Variants in ZNF724 observed in about 807,000 individuals in gnomAD.
The protein encoded by ZNF724 is zinc finger protein 724 pseudogene.
In ZNF724, 14 loss-of-function variants were observed where a neutral mutation model predicts 29.3. The ratio of observed to expected loss-of-function variants is 0.48; its 90% confidence interval spans 0.32 to 0.75. The LOEUF is 0.75. Ranked by LOEUF, ZNF724 falls within the 30% of genes least tolerant of loss-of-function variation. The probability of loss-of-function intolerance (pLI) is 0.04; values close to 1 mark genes in which losing one functional copy is unlikely to be tolerated. For missense variants in ZNF724, 557 were observed against 571.2 expected (o/e 0.98, Z 0.25); for synonymous variants, 180 against 193.6 (o/e 0.93, Z 0.58).
chr19:23,223,224 C>T lies in ZNF724; in HGVS notation c.1021G>A (p.Glu341Lys), dbSNP rs765635829. Residue 341 changes from glutamate to lysine, a missense_variant, in exon 4 of 4, where the codon GAA becomes AAA. Physicochemically the swap from Glu to Lys is moderately conservative, Grantham distance 56 (BLOSUM62 1). Transcript: ENST00000418100. Reference sequence around the variant, plus strand: ...ACATTAAAGGCTTTGCCACATTCTTCACATTTATAAGGTTTATCACCAGTA... The same window carrying T: ...ACATTAAAGGCTTTGCCACATTCTTTACATTTATAAGGTTTATCACCAGTA... ...IHTGDKPYKC[E>K]ECGKAFNVSS... The T allele has an allele frequency of 1.5e-5, 15 of 992,890 alleles. No homozygotes were observed. The South Asian group carries it at 1.9e-4, about 13-fold the overall frequency. The allele number at this position is 992,890 out of a possible 1,614,324, so 61.5% of individuals were successfully genotyped here. A position where few individuals can be genotyped will look rare whatever the true frequency, so the allele number is the denominator to read the frequency against.
intron 1 of ZNF724, among the ~76,000 whole-genome samples, chr19:23,247,898 G>C (rs1406267227): frequency 2.0e-5 from 3 of 152,134 alleles, no homozygotes; most frequent in Non-Finnish European, 4.4e-5. Context: ...CTTCTTGAGA[G>C]GCTACACTCC....
In ZNF724 at chr19:23,223,203, T is replaced by C. The variant is rs1394378529; in HGVS notation, c.1042A>G (p.Asn348Asp). 3 of 1,100,328 alleles carry C rather than the reference T, an allele frequency of 2.7e-6. No individual in the cohort carries two copies. 68.2% of individuals were successfully genotyped at this position (1,100,328 alleles called of 1,614,324 possible). A position where few individuals can be genotyped will look rare whatever the true frequency, so the allele number is the denominator to read the frequency against. Reference sequence around the variant, plus strand: ...TGTTGAGTAAGGGTTGAGGACACATTAAAGGCTTTGCCACATTCTTCACAT... The same window carrying C: ...TGTTGAGTAAGGGTTGAGGACACATCAAAGGCTTTGCCACATTCTTCACAT... ...YKCEECGKAF[N>D]VSSTLTQHKR... Residue 348 changes from asparagine (N) to aspartate (D), a missense_variant, in exon 4 of 4, where the codon AAT (asparagine) becomes GAT (aspartate). Physicochemically the swap from Asn to Asp is conservative, Grantham distance 23. Coordinates refer to ENST00000418100, the MANE Select transcript of ZNF724 (RefSeq NM_001355404.2).
chr19:23,231,719 T>A (rs1971936583), intron 2 of ZNF724, among the ~76,000 whole-genome samples: 1 of 151,540 alleles, frequency 6.6e-6, no homozygotes, highest in Middle Eastern at 3.4e-3. Flanking sequence ...CATTGACAAA[T>A]CCCCAAGATT....
chr19:23,242,066 C>T (rs1456262441), intron 1 of ZNF724, among the ~76,000 whole-genome samples: 2 of 152,094 alleles, frequency 1.3e-5, no homozygotes, highest in African/African-American at 4.8e-5. Flanking sequence ...AAATAAGTAG[C>T]ACCTCTATAC....
In ZNF724 at chr19:23,222,307, G is replaced by C; in HGVS notation, c.*78C>G. 1.5e-6 allele frequency: 1 copy of C among 656,636 alleles called. No homozygotes were observed. The highest frequency in any genetic ancestry group is 1.9e-5 in the South Asian group (1 of 51,934). 40.7% of individuals were successfully genotyped at this position (656,636 alleles called of 1,614,324 possible). A position where few individuals can be genotyped will look rare whatever the true frequency, so the allele number is the denominator to read the frequency against. Reference sequence around the variant, plus strand: ...TTGGCCAGGATGGTCTCAATCTCTTGATCTTGTGATCCACCCGCCTTGGCC... The same window carrying C: ...TTGGCCAGGATGGTCTCAATCTCTTCATCTTGTGATCCACCCGCCTTGGCC... On this transcript the variant is annotated 3_prime_UTR_variant, in exon 4 of 4. Coordinates refer to ENST00000418100, the MANE Select transcript of ZNF724 (RefSeq NM_001355404.2).
intron 3 of ZNF724, among the ~76,000 whole-genome samples, chr19:23,227,555 C>CAAAAAAAAA (rs1370441801): frequency 0.28 from 20,249 of 73,622 alleles, 3,902 homozygotes; most frequent in East Asian, 0.44. Flanking sequence ...GGCTCCATCT[C>CAAAAAAAAA]AAAAAAAAAA....
chr19:23,240,185 G>A (rs1972094551), intron 1 of ZNF724, among the ~76,000 whole-genome samples: 1 of 151,454 alleles, frequency 6.6e-6, no homozygotes, highest in Non-Finnish European at 1.5e-5. Context: ...GCGAGGTGGT[G>A]CATGCCTGTA....
At chr19:23,232,995 G>GA (rs199943400) in intron 1 of ZNF724, among the ~76,000 whole-genome samples, 2 of 152,188 alleles carry the variant, frequency 1.3e-5, no homozygotes, top group Non-Finnish European at 2.9e-5. Context: ...ACTGTATAGT[G>GA]AAAAAATCTG....
intron 1 of ZNF724, among the ~76,000 whole-genome samples, chr19:23,238,690 A>G (rs1364269333): frequency 6.6e-6 from 1 of 152,200 alleles, no homozygotes; most frequent in Admixed American, 6.5e-5. Flanking sequence ...CGAGGTGGTT[A>G]GATCACTTGA....
chr19:23,230,627 C>T (rs1260854196), intron 3 of ZNF724, among the ~76,000 whole-genome samples: 2 of 152,014 alleles, frequency 1.3e-5, no homozygotes, highest in Non-Finnish European at 2.9e-5. Context: ...TAAAATTTCA[C>T]AGATATTTAT....
intron 1 of ZNF724, among the ~76,000 whole-genome samples, chr19:23,233,811 T>C (rs1308548558): frequency 7.4e-6 from 1 of 134,684 alleles, no homozygotes; most frequent in Non-Finnish European, 1.6e-5. Context: ...AAAAAAAAAA[T>C]GCCACTTTTT....
At chr19:23,226,882 A>C (rs1971838311) in intron 3 of ZNF724, among the ~76,000 whole-genome samples, 1 of 152,198 alleles carries the variant, frequency 6.6e-6, no homozygotes, top group South Asian at 2.1e-4. Context: ...ATTGTCTAAA[A>C]TTTTAATATG....
chr19:23,231,420 A>G, intron 2 of ZNF724, 59 bp from the exon 3 acceptor site: 1 of 1,139,118 alleles, frequency 8.8e-7, no homozygotes, highest in Non-Finnish European at 1.3e-6. Flanking sequence ...TAATGTGCTC[A>G]GTAAAAAGGG....
At chr19:23,229,264 C>CTTA (rs1040988003) in intron 3 of ZNF724, among the ~76,000 whole-genome samples, 33 of 152,118 alleles carry the variant, frequency 2.2e-4, no homozygotes, top group Non-Finnish European at 3.2e-4. Flanking sequence ...GAATACTGAA[C>CTTA]TTACCCCGTA....
At chr19:23,233,618 C>T (rs1002746427) in intron 1 of ZNF724, among the ~76,000 whole-genome samples, 1 of 151,878 alleles carries the variant, frequency 6.6e-6, no homozygotes, top group African/African-American at 2.4e-5. Flanking sequence ...TTAGAGAAGG[C>T]TCTGGTATAT....
At chr19:23,232,582 T>C (rs1401619153) in intron 1 of ZNF724, among the ~76,000 whole-genome samples, 2 of 152,122 alleles carry the variant, frequency 1.3e-5, no homozygotes, top group Non-Finnish European at 2.9e-5. Context: ...AGTGCTATAT[T>C]CACACTATAA....
rs1972265532 is a variant in ZNF724, at chr19:23,247,662, T to TA, written c.3+2577dup. ...TACTAGCTCACTGAGATGAGGTTTT[T>TA]ATCTGTCTTTGGGGATACAATTTTT... On this transcript the variant is annotated intron_variant, in intron 1 of 3. Transcript: ENST00000418100. Among the ~76,000 whole-genome samples, 3 of 152,364 alleles carry TA rather than the reference T, an allele frequency of 2.0e-5. No homozygotes were observed. The South Asian group carries it at 6.2e-4, about 32-fold the overall frequency.
intron 1 of ZNF724, among the ~76,000 whole-genome samples, chr19:23,237,940 CAAAG>C (rs1288019144): frequency 2.6e-5 from 4 of 152,076 alleles, no homozygotes; most frequent in African/African-American, 9.7e-5. Flanking sequence ...AGTTTTTTGT[CAAAG>C]AAACTTCCTC....
At chr19:23,235,534 G>C (rs912806626) in intron 1 of ZNF724, among the ~76,000 whole-genome samples, 35 of 152,116 alleles carry the variant, frequency 2.3e-4, no homozygotes, top group African/African-American at 6.5e-4. Flanking sequence ...AATTTTATCT[G>C]CTTTTGGGTT....
Sources: allele counts gnomAD v4.1 joint callset (sites outside exome capture counted in the v4.1 genomes callset), GRCh38; gene constraint gnomAD v4.1.1; transcripts MANE v1.5; gene names NCBI Gene and HGNC (gene_info 2026-07-23, HGNC 2026-07-21).